C3: variants seen among roughly 807,000 people sequenced by gnomAD.
C3 encodes the protein complement C3, also known as C3 and PZP-like alpha-2-macroglobulin domain-containing protein 1.
Under a neutral mutation model 207.9 loss-of-function variants are expected in C3, and 97 were observed. That is an observed-to-expected ratio of 0.47 (90% confidence interval 0.40 to 0.55). The LOEUF (loss-of-function observed/expected upper bound fraction) is 0.55. Ranked by LOEUF, C3 falls within the 20% of genes least tolerant of loss-of-function variation. The probability of loss-of-function intolerance (pLI) is 0.00; values close to 1 mark genes in which losing one functional copy is unlikely to be tolerated. For synonymous variants in C3, 848 were observed against 857.6 expected, an observed-to-expected ratio of 0.99 and a Z score of 0.20; for missense variants, 1,684 against 2,171.7, an observed-to-expected ratio of 0.78 and a Z score of 4.46.
chr19:6,686,358 A>C, intron 28 of C3, 71 bp from the exon 29 acceptor site: 3 of 1,535,638 alleles, frequency 2.0e-6, no homozygotes, highest in Non-Finnish European at 2.7e-6. Flanking sequence ...GAGAAAGCTC[A>C]GAAAGAGATG....
At chr19:6,695,940 T>C (rs1967522286) in intron 23 of C3, among the ~76,000 whole-genome samples, 1 of 152,098 alleles carries the variant, frequency 6.6e-6, no homozygotes, top group Non-Finnish European at 1.5e-5. Context: ...CCGGGCATAA[T>C]GGCTCATGCC....
rs1968121832 is a variant in C3, at chr19:6,719,593, G to A, written c.75-190C>T. On this transcript the variant is annotated intron_variant, in intron 1 of 40. Transcript: ENST00000245907. This position sits in a 1 kb window ranked among gnomAD's most constrained non-coding sequence, Gnocchi z 5.4. ...GCCACCGTCTCAACCACATGGGCAG[G>A]ACAGCAGCCACCATGACTCCCACTC... 6.6e-6 allele frequency among the ~76,000 whole-genome samples: 1 copy of A among 152,106 alleles called. No individual in the cohort carries two copies. The highest frequency in any genetic ancestry group is 2.1e-4 in the South Asian group (1 of 4,834).
chr19:6,711,155 A>G lies in C3; in HGVS notation c.1311T>C (p.Ala437=). The G allele has an allele frequency of 6.2e-7, 1 of 1,613,946 alleles. No homozygotes were observed. The highest frequency in any genetic ancestry group is 1.1e-5 in the South Asian group (1 of 91,078). ...AGGGCAGAGCCTGCATGGTCCTGGT[A>G]GCCTGCTCTGCCTCCGAGAGCTCCT... ...KKQELSEAEQ[A]TRTMQALPYS... is the part of the protein sequence containing the mutation. Residue 437 remains alanine, a synonymous_variant, in exon 12 of 41, where the codon GCT becomes GCC. Transcript: ENST00000245907.
intron 19 of C3, among the ~76,000 whole-genome samples, chr19:6,700,921 T>C (rs1028627427): frequency 6.6e-6 from 1 of 150,868 alleles, no homozygotes; most frequent in Non-Finnish European, 1.5e-5. Context: ...TGAGACTCCT[T>C]CTCAAAAACA....
At chr19:6,688,200 G>A (rs758435238) in intron 27 of C3, among the ~76,000 whole-genome samples, 2 of 151,672 alleles carry the variant, frequency 1.3e-5, no homozygotes, top group Non-Finnish European at 2.9e-5. Flanking sequence ...GCGCAATCTC[G>A]GCTCACTGCA....
intron 23 of C3, 48 bp downstream of exon 23, chr19:6,696,331 A>C: frequency 7.6e-7 from 1 of 1,315,394 alleles, no homozygotes; most frequent in Non-Finnish European, 1.1e-6. Flanking sequence ...ATTTGGCTCC[A>C]TCCATGCCCT....
chr19:6,697,058 A>AAAAAAAAT (rs1967553404), intron 21 of C3, among the ~76,000 whole-genome samples: 3 of 81,690 alleles, frequency 3.7e-5, no homozygotes, highest in Non-Finnish European at 7.2e-5. Flanking sequence ...ATAAACAAAC[A>AAAAAAAAT]AATAAATAAA....
intron 24 of C3, among the ~76,000 whole-genome samples, 173 bp from the exon 25 acceptor site, chr19:6,693,660 G>A (rs1918225779): frequency 6.6e-6 from 1 of 151,484 alleles, no homozygotes. Context: ...GGATCAGAAC[G>A]AGGAGGTGGA....
At position 6,682,359 on chromosome 19, in the gene C3, C is replaced by T. The variant is rs1917887807; in HGVS notation, c.4173-130G>A. The T allele has an allele frequency of 6.9e-6, 5 of 723,990 alleles. No individual in the cohort carries two copies. In the South Asian group the frequency reaches 7.3e-5, roughly 11 times the overall value. 44.8% of individuals were successfully genotyped at this position (723,990 alleles called of 1,614,324 possible). A position where few individuals can be genotyped will look rare whatever the true frequency, so the allele number is the denominator to read the frequency against. Reference sequence around the variant, plus strand: ...CACATAGCAGCACAGAGGGGCGTTACATTTTTTAGGAAACATTTCCCCAAA... The same window carrying T: ...CACATAGCAGCACAGAGGGGCGTTATATTTTTTAGGAAACATTTCCCCAAA... On this transcript the variant is annotated intron_variant, in intron 33 of 40. Transcript: ENST00000245907.
chr19:6,686,049 T>C (rs1917997833), intron 29 of C3, 75 bp downstream of exon 29: 3 of 1,449,704 alleles, frequency 2.1e-6, no homozygotes, highest in South Asian at 2.3e-5. Flanking sequence ...TGGGCCTCAG[T>C]GTCTTCTCTA....
rs200258941 is a variant in C3, at chr19:6,707,137, G to A, written c.2184C>T (p.Cys728=). The A allele has an allele frequency of 9.5e-5, 154 of 1,613,694 alleles. No individual in the cohort carries two copies. The East Asian group carries it at 3.3e-3, about 34-fold the overall frequency. Reference sequence around the variant, plus strand: ...GCCGCCGCAGCTCTGTGATGTAGTTGCAGCAGTCCAGGAAGACCTTCTTGC... The same window carrying A: ...GCCGCCGCAGCTCTGTGATGTAGTTACAGCAGTCCAGGAAGACCTTCTTGC... ...EACKKVFLDC[C]NYITELRRQH... is the part of the protein sequence containing the mutation. Residue 728 remains cysteine (C), a synonymous_variant, in exon 17 of 41, where the codon TGC becomes TGT. Coordinates refer to ENST00000245907, the MANE Select transcript of C3 (RefSeq NM_000064.4).
At position 6,718,452 on chromosome 19, in the gene C3, G is replaced by T; in HGVS notation, c.268-40C>A. ...GGCATTGTCAGGGGTCTGTTCCAAG[G>T]CCCCATGCCCACGGTCCAGCTTCCG... is the stretch of plus-strand genomic sequence containing the variant. On this transcript the variant is annotated intron_variant, in intron 2 of 40. Transcript: ENST00000245907. The T allele has an allele frequency of 2.5e-6, 4 of 1,608,838 alleles. No homozygotes were observed. In the South Asian group the frequency reaches 4.4e-5, roughly 18 times the overall value.
In C3 at chr19:6,714,455, G is replaced by A; in HGVS notation, c.505-9C>T. On this transcript the variant is annotated splice_polypyrimidine_tract_variant and intron_variant, in intron 4 of 40. Coordinates refer to ENST00000245907, the MANE Select transcript of C3 (RefSeq NM_000064.4). ...GGGATGCCTTCCGGGTTCTGTGGGA[G>A]GCAGGAGGGAAGGATAGAGGATAAA... 1 of 1,605,786 alleles carries A rather than the reference G, an allele frequency of 6.2e-7. No individual in the cohort carries two copies. Among genetic ancestry groups the A allele is most frequent in the Non-Finnish European group, 8.5e-7 (1 of 1,173,020 alleles).
chr19:6,717,665 ATGTTG>A (rs935795064), intron 4 of C3: 69 of 296,484 alleles, frequency 2.3e-4, no homozygotes, highest in Middle Eastern at 1.3e-3. Context: ...GTGGTTATGT[ATGTTG>A]TGTTGTGTTG....
At chr19:6,710,897 A>G (rs1967909351) in intron 12 of C3, 52 bp from the exon 13 acceptor site, 2 of 1,604,132 alleles carry the variant, frequency 1.2e-6, no homozygotes, top group Non-Finnish European at 1.7e-6. Context: ...CAGGGAACGC[A>G]GGGAGGGATC....
intron 19 of C3, among the ~76,000 whole-genome samples, chr19:6,699,411 C>T (rs1967601533): frequency 6.6e-6 from 1 of 151,936 alleles, no homozygotes; most frequent in African/African-American, 2.4e-5. Flanking sequence ...TTTATGAAAC[C>T]TAAAATACAG....
intron 35 of C3, 31 bp downstream of exon 35, chr19:6,681,910 A>C: frequency 6.4e-7 from 1 of 1,555,492 alleles, no homozygotes; most frequent in African/African-American, 1.4e-5. Flanking sequence ...TGCCCCTGGA[A>C]GCCTCCCAGG....
intron 19 of C3, among the ~76,000 whole-genome samples, chr19:6,698,301 A>G (rs1967583224): frequency 6.6e-6 from 1 of 152,090 alleles, no homozygotes; most frequent in Admixed American, 6.6e-5. Context: ...GGCGTGAGCC[A>G]CTGCGCCTGG....
rs1227832654 is a variant in C3 at position 6,684,901 on chromosome 19, C to A, written c.3970-67G>T. The A allele has an allele frequency of 3.7e-6, 6 of 1,608,076 alleles. No individual in the cohort carries two copies. The East Asian group carries it at 1.3e-4, about 36-fold the overall frequency. ...GCCTTCTGCTGCCTGTGATGGTCAC[C>A]TGGCCCTCCCTCTTGCTTCCCAGTA... On this transcript the variant is annotated intron_variant, in intron 30 of 40. Coordinates refer to ENST00000245907, the MANE Select transcript of C3 (RefSeq NM_000064.4).
Sources: gnomAD v4.1 joint callset for allele counts (sites outside exome capture counted in the v4.1 genomes callset) on GRCh38, gnomAD v4.1.1 for gene constraint, Gnocchi (gnomAD v3.1) non-coding constraint, MANE v1.5 for transcripts, NCBI Gene and HGNC (gene_info 2026-07-23, HGNC 2026-07-21) for gene names.